Variants in ANK3 observed in about 807,000 individuals in gnomAD.
ANK3 encodes ankyrin-3.
Under a neutral mutation model 370.9 loss-of-function variants are expected in ANK3, and 57 were observed. The ratio of observed to expected loss-of-function variants is 0.15; its 90% CI spans 0.12 to 0.19. The LOEUF (loss-of-function observed/expected upper bound fraction) is 0.19, where lower values mean the gene tolerates loss of function less well. Ranked by LOEUF, ANK3 falls within the 10% of genes least tolerant of loss-of-function variation. The probability of loss-of-function intolerance (pLI) is 1.00; values close to 1 mark genes in which losing one functional copy is unlikely to be tolerated. For missense variants in ANK3, 4,439 were observed against 5,302.1 expected, an observed-to-expected ratio of 0.84 and a Z score of 5.06; for synonymous variants, 1,929 against 1,946.3, an observed-to-expected ratio of 0.99 and a Z score of 0.23.
rs745950594 is a variant in ANK3, at chr10:60,389,418, T to C, written c.114+7A>G. ...GGCAAGATATATGCTCTGGCATACATAGATACCTTTTTCTTCCGATCCCGG... is the reference window on the plus strand; with the variant it reads ...GGCAAGATATATGCTCTGGCATACACAGATACCTTTTTCTTCCGATCCCGG... On this transcript the variant is annotated splice_region_variant and intron_variant, in intron 1 of 43. Coordinates refer to ENST00000280772, the MANE Select transcript of ANK3 (RefSeq NM_020987.5). 14 of 1,613,328 alleles carry C rather than the reference T, an allele frequency of 8.7e-6. No homozygotes were observed. The East Asian group carries it at 1.1e-4, about 13-fold the overall frequency.
chr10:60,197,443 C>T (rs1238279898), intron 14 of ANK3, among the ~76,000 whole-genome samples: 2 of 152,146 alleles, frequency 1.3e-5, no homozygotes, highest in African/African-American at 4.8e-5. Context: ...CATGAGACTA[C>T]AGCAAACTAA....
chr10:60,186,942 C>T (rs772682075), intron 16 of ANK3, 30 bp from the exon 17 acceptor site: 1 of 1,604,778 alleles, frequency 6.2e-7, no homozygotes. Flanking sequence ...GGTCACATGC[C>T]CAGGAACAAG....
chr10:60,726,629 A>C (rs2132031046), intron 1 of ANK3, among the ~76,000 whole-genome samples: 1 of 152,092 alleles, frequency 6.6e-6, no homozygotes, highest in South Asian at 2.1e-4. Context: ...TAACTCTAAA[A>C]CCATGGTTTT....
chr10:60,329,349 G>T (rs1023393308), intron 1 of ANK3, among the ~76,000 whole-genome samples: 10 of 152,280 alleles, frequency 6.6e-5, no homozygotes, highest in African/African-American at 2.4e-4. Context: ...AACTGTCTCT[G>T]TTTGCAGATG....
At chr10:60,220,045 A>G (rs1023744434) in intron 8 of ANK3, among the ~76,000 whole-genome samples, 1 of 152,208 alleles carries the variant, frequency 6.6e-6, no homozygotes, top group Admixed American at 6.5e-5. Context: ...TACTATTAAA[A>G]TAAAATCTGG....
At chr10:60,208,792 A>C (rs1249379425) in intron 9 of ANK3, among the ~76,000 whole-genome samples, 1 of 152,224 alleles carries the variant, frequency 6.6e-6, no homozygotes, top group Admixed American at 6.5e-5. Context: ...TTGACTTTAA[A>C]AAAGGTCTGA....
At chr10:60,305,190 T>C (rs1366783884) in intron 1 of ANK3, among the ~76,000 whole-genome samples, 2 of 152,168 alleles carry the variant, frequency 1.3e-5, no homozygotes, top group African/African-American at 2.4e-5. Flanking sequence ...CTCAGCTAAC[T>C]TCCCTGAAGC....
intron 2 of ANK3, among the ~76,000 whole-genome samples, chr10:60,431,540 T>C (rs1001239547): frequency 6.6e-6 from 1 of 152,184 alleles, no homozygotes; most frequent in Non-Finnish European, 1.5e-5. Context: ...GTATTTATCA[T>C]AATTATTATT....
At chr10:60,724,118 G>A (rs1236741399) in intron 1 of ANK3, among the ~76,000 whole-genome samples, 1 of 120,486 alleles carries the variant, frequency 8.3e-6, no homozygotes, top group African/African-American at 3.0e-5. Flanking sequence ...GCTGAGGCAG[G>A]AAAATGGCGT....
chr10:60,213,631 G>T, intron 8 of ANK3, 121 bp from the exon 9 acceptor site: 2 of 483,210 alleles, frequency 4.1e-6, no homozygotes, highest in Non-Finnish European at 7.0e-6. Flanking sequence ...TCAAACATTT[G>T]CTCATTTATT....
intron 8 of ANK3, among the ~76,000 whole-genome samples, chr10:60,226,517 T>TATATAC (rs1178997831): frequency 9.4e-4 from 42 of 44,510 alleles, no homozygotes; most frequent in African/African-American, 4.1e-3. Flanking sequence ...ATACATAGTA[T>TATATAC]ATATACTATA....
intron 1 of ANK3, among the ~76,000 whole-genome samples, chr10:60,625,817 C>T (rs1391296874): frequency 6.6e-6 from 1 of 152,102 alleles, no homozygotes; most frequent in Non-Finnish European, 1.5e-5. Flanking sequence ...CAAAAGAATG[C>T]ATGGTTCTTA....
chr10:60,671,634 A>G (rs2079065250), intron 1 of ANK3, among the ~76,000 whole-genome samples: 1 of 152,182 alleles, frequency 6.6e-6, no homozygotes, highest in South Asian at 2.1e-4. Flanking sequence ...GTTGTTCACT[A>G]TTGTACCCCA....
At chr10:60,686,457 G>A (rs977717705) in intron 1 of ANK3, among the ~76,000 whole-genome samples, 6 of 152,144 alleles carry the variant, frequency 3.9e-5, no homozygotes, top group African/African-American at 1.4e-4. Flanking sequence ...GTGGGATGAA[G>A]CTATAAAATT....
At chr10:60,513,300 C>T (rs2076135459) in intron 2 of ANK3, among the ~76,000 whole-genome samples, 1 of 152,006 alleles carries the variant, frequency 6.6e-6, no homozygotes, top group Non-Finnish European at 1.5e-5. Flanking sequence ...TCATTACTGT[C>T]AAGGTTAACA....
chr10:60,103,715 A>G (rs1230786261), intron 28 of ANK3, among the ~76,000 whole-genome samples: 1 of 152,030 alleles, frequency 6.6e-6, no homozygotes, highest in East Asian at 1.9e-4. Flanking sequence ...GCTCTAGTGG[A>G]CTCCAGTACT....
chr10:60,140,455 C>A, intron 23 of ANK3: 1 of 1,609,400 alleles, frequency 6.2e-7, no homozygotes, highest in Non-Finnish European at 8.5e-7. Flanking sequence ...CAAAACAGCT[C>A]AAGGAAACCA....
chr10:60,496,080 G>A (rs1338183053), intron 2 of ANK3, among the ~76,000 whole-genome samples: 2 of 151,896 alleles, frequency 1.3e-5, no homozygotes, highest in Admixed American at 6.6e-5. Context: ...ATATGATGGA[G>A]CTCAATATGG....
In ANK3 at chr10:60,086,892, C is replaced by T; in HGVS notation, c.3541-8G>A. 1 of 1,552,322 alleles carries T rather than the reference C, an allele frequency of 6.4e-7. No homozygotes were observed. Among genetic ancestry groups the T allele is most frequent in the Non-Finnish European group, 8.7e-7 (1 of 1,147,936 alleles). The stretch of plus-strand genomic sequence containing the variant: ...ATCTGGAACAGGCTGGGCCTAGAGA[C>T]AGAGAAAGGACTTTAAATGAAAGTG... On this transcript the variant is annotated splice_polypyrimidine_tract_variant and splice_region_variant and intron_variant, in intron 29 of 43. Coordinates refer to ENST00000280772, the MANE Select transcript of ANK3 (RefSeq NM_020987.5).
Sources: gnomAD v4.1 joint callset for allele counts (sites outside exome capture counted in the v4.1 genomes callset) on GRCh38, gnomAD v4.1.1 for gene constraint, MANE v1.5 for transcripts, NCBI Gene and HGNC (gene_info 2026-07-23, HGNC 2026-07-21) for gene names.